ERICH5: variants seen among roughly 807,000 people sequenced by gnomAD.
ERICH5 encodes glutamate rich 5, also known as glutamate-rich protein 5.
Under a neutral mutation model 28.0 loss-of-function variants are expected in ERICH5, and 24 were observed. The observed-to-expected ratio is 0.86, with a 90% CI of 0.62 to 1.21. The LOEUF (loss-of-function observed/expected upper bound fraction) is 1.21. Among genes scored for constraint, ERICH5 ranks in the 50% most tolerant of loss-of-function variants. The pLI is 0.00. For missense variants in ERICH5, 421 were observed against 441.2 expected, an observed-to-expected ratio of 0.95 and a Z score of 0.41; for synonymous variants, 163 against 157.6, an observed-to-expected ratio of 1.03 and a Z score of -0.25.
chr8:98,078,317 C>T (rs1815097690), intron 1 of ERICH5, among the ~76,000 whole-genome samples: 1 of 152,288 alleles, frequency 6.6e-6, no homozygotes, highest in South Asian at 2.1e-4. Context: ...GATGAGTGGA[C>T]TACTCCTCTG....
At chr8:98,073,514 ATGTATATATATATATATATAT>A in intron 1 of ERICH5, among the ~76,000 whole-genome samples, 200 of 6,328 alleles carry the variant, frequency 0.032, 41 homozygotes, top group African/African-American at 0.085. Flanking sequence ...ATATATATAT[ATGTATATATATATATATATAT>A]ATATATATAT....
chr8:98,082,032 G>C (rs1398460863), intron 1 of ERICH5, among the ~76,000 whole-genome samples: 1 of 152,076 alleles, frequency 6.6e-6, no homozygotes, highest in Non-Finnish European at 1.5e-5. Context: ...CTATCACATA[G>C]GGAAAAGAAC....
intron 1 of ERICH5, among the ~76,000 whole-genome samples, chr8:98,076,202 C>T (rs1021331954): frequency 2.6e-5 from 4 of 151,988 alleles, no homozygotes; most frequent in Non-Finnish European, 4.4e-5. Context: ...TTCAGGCGCC[C>T]GCCACCATGC....
At chr8:98,086,548 C>T (rs933801486) in intron 1 of ERICH5, among the ~76,000 whole-genome samples, 6 of 152,194 alleles carry the variant, frequency 3.9e-5, no homozygotes, top group Non-Finnish European at 7.3e-5. Flanking sequence ...ATATATGGCT[C>T]AGTTCTTCAT....
At chr8:98,066,659 C>T (rs1375059202) in intron 1 of ERICH5, among the ~76,000 whole-genome samples, 2 of 152,158 alleles carry the variant, frequency 1.3e-5, no homozygotes, top group African/African-American at 2.4e-5. Flanking sequence ...CCAGTTCTAG[C>T]CCTTAGAAAA....
chr8:98,089,335 T>C lies in ERICH5; in HGVS notation c.318T>C (p.Pro106=). Residue 106 remains proline, a synonymous_variant, in exon 2 of 3, where the codon CCT becomes CCC. Coordinates refer to ENST00000318528, the MANE Select transcript of ERICH5 (RefSeq NM_173549.3). ...DQSGSTEKTQ[P]GEGLEESGPP... ...CAGGGTCCACAGAAAAGACTCAGCC[T>C]GGAGAGGGACTGGAGGAATCTGGGC... 1.9e-6 allele frequency: 3 copies of C among 1,614,180 alleles called. No individual in the cohort carries two copies. The highest frequency in any genetic ancestry group is 2.5e-6 in the Non-Finnish European group (3 of 1,180,038).
intron 1 of ERICH5, among the ~76,000 whole-genome samples, chr8:98,086,453 A>G (rs1815280721): frequency 6.6e-6 from 1 of 152,214 alleles, no homozygotes; most frequent in African/African-American, 2.4e-5. Flanking sequence ...AGTGAGTTGA[A>G]TAAATGATAA....
At chr8:98,075,270 C>T (rs1359238421) in intron 1 of ERICH5, among the ~76,000 whole-genome samples, 4 of 152,140 alleles carry the variant, frequency 2.6e-5, no homozygotes, top group Non-Finnish European at 4.4e-5. Context: ...TTATTGAAAT[C>T]TTCCAGTTTA....
intron 2 of ERICH5, among the ~76,000 whole-genome samples, chr8:98,092,346 A>G (rs1173742324): frequency 6.6e-6 from 1 of 152,046 alleles, no homozygotes; most frequent in African/African-American, 2.4e-5. Context: ...TATTTTTTGT[A>G]GAAACAAGGT....
rs185542630 is a variant in ERICH5 at position 98,080,699 on chromosome 8, C to T, written c.59-8377C>T. Among the ~76,000 whole-genome samples the T allele has an allele frequency of 7.5e-5, 10 of 133,154 alleles. No homozygotes were observed. The East Asian group carries it at 1.3e-3, about 18-fold the overall frequency. The allele number at this position is 133,154 out of a possible 152,430, so 87.4% of individuals were successfully genotyped here. ...CTTCTTCTTCTTCTTCTCCCCCTCC[C>T]GTCCCCCCTCCCCCTCCCTCTCCTT... On this transcript the variant is annotated intron_variant, in intron 1 of 2. Coordinates refer to ENST00000318528, the MANE Select transcript of ERICH5 (RefSeq NM_173549.3).
chr8:98,089,822 G>A lies in ERICH5; in HGVS notation c.805G>A (p.Glu269Lys), dbSNP rs765475482. The A allele has an allele frequency of 2.5e-6, 4 of 1,614,168 alleles. No homozygotes were observed. The South Asian group carries it at 3.3e-5, about 13-fold the overall frequency. ...AATTCCCAAAGAGAATGTAACACCA[G>A]AAGTATTGGACAGAAGTCAGCTTGT... is the stretch of plus-strand genomic sequence containing the variant. ...ERIPKENVTP[E>K]VLDRSQLVEK... Residue 269 changes from glutamate to lysine, a missense_variant, in exon 2 of 3, where the codon GAA (glutamate) becomes AAA (lysine). Physicochemically the swap from Glu to Lys is moderately conservative, Grantham distance 56. Transcript: ENST00000318528.
chr8:98,065,749 G>A (rs2130502735), intron 1 of ERICH5, among the ~76,000 whole-genome samples: 1 of 152,342 alleles, frequency 6.6e-6, no homozygotes, highest in East Asian at 1.9e-4. Flanking sequence ...CTAGTTTACA[G>A]TCTTCTGCAA....
intron 1 of ERICH5, among the ~76,000 whole-genome samples, chr8:98,073,460 GTATATATATATATATATATA>G (rs1321366335): frequency 7.0e-5 from 1 of 14,374 alleles, no homozygotes; most frequent in African/African-American, 4.8e-4. Flanking sequence ...ATATATATAT[GTATATATATATATATATATA>G]TATATGTATA....
intron 1 of ERICH5, among the ~76,000 whole-genome samples, chr8:98,075,785 C>CTTTTTTTTTTTTTTTTTTTTTTTTTTTT (rs1296283210): frequency 7.3e-5 from 6 of 81,648 alleles, no homozygotes; most frequent in African/African-American, 2.8e-4. Context: ...GCACACCTGC[C>CTTTTTTTTTTTTTTTTTTTTTTTTTTTT]TTTTTTTTTT....
intron 1 of ERICH5, among the ~76,000 whole-genome samples, chr8:98,076,053 A>C (rs1261064492): frequency 7.5e-6 from 1 of 133,578 alleles, no homozygotes; most frequent in Non-Finnish European, 1.6e-5. Context: ...CAGAGCAAGC[A>C]TTTACGCTTT....
At chr8:98,079,017 T>C (rs2045805) in intron 1 of ERICH5, among the ~76,000 whole-genome samples, 1 of 152,172 alleles carries the variant, frequency 6.6e-6, no homozygotes, top group South Asian at 2.1e-4. Flanking sequence ...ATTCACAAAA[T>C]CATACGGACA....
intron 1 of ERICH5, among the ~76,000 whole-genome samples, chr8:98,081,132 G>A (rs1005156309): frequency 1.3e-5 from 2 of 150,884 alleles, no homozygotes; most frequent in African/African-American, 2.4e-5. Flanking sequence ...TTGAAACAGG[G>A]TCTTGCTCTG....
chr8:98,070,321 G>C (rs773627454), intron 1 of ERICH5, among the ~76,000 whole-genome samples: 3 of 152,158 alleles, frequency 2.0e-5, no homozygotes, highest in Non-Finnish European at 4.4e-5. Context: ...AAGCACCACT[G>C]TACTCCAGCC....
chr8:98,077,395 G>T (rs1175039046), intron 1 of ERICH5, among the ~76,000 whole-genome samples: 1 of 152,172 alleles, frequency 6.6e-6, no homozygotes, highest in African/African-American at 2.4e-5. Flanking sequence ...GCAAATGTTG[G>T]ATTTCCTTGT....
Sources: gnomAD v4.1 joint callset for allele counts (sites outside exome capture counted in the v4.1 genomes callset) on GRCh38, gnomAD v4.1.1 for gene constraint, MANE v1.5 for transcripts, NCBI Gene and HGNC (gene_info 2026-07-23, HGNC 2026-07-21) for gene names.